The following AJAP1 variants were observed in gnomAD, a reference collection of about 807,000 sequenced individuals.
The protein encoded by AJAP1 is adherens junctions associated protein 1.
In AJAP1, 5 loss-of-function variants were observed where a neutral mutation model predicts 35.0. That is an observed-to-expected ratio of 0.14 (90% confidence interval 0.07 to 0.30). The LOEUF is 0.30. Among genes scored for constraint, AJAP1 ranks in the 10% least tolerant of loss-of-function variants. AJAP1 has a pLI of 1.00. For synonymous variants in AJAP1, 284 were observed against 249.3 expected (o/e 1.14, Z -1.31); for missense variants, 586 against 571.0 (o/e 1.03, Z -0.27).
chr1:4,738,437 G>T (rs933591636), intron 2 of AJAP1, among the ~76,000 whole-genome samples: 2 of 152,362 alleles, frequency 1.3e-5, no homozygotes. Flanking sequence ...GTGATTAGGG[G>T]GTAGCTGGTC....
At chr1:4,759,715 C>G (rs1369069928) in intron 2 of AJAP1, among the ~76,000 whole-genome samples, 1 of 152,200 alleles carries the variant, frequency 6.6e-6, no homozygotes, top group Non-Finnish European at 1.5e-5. Flanking sequence ...TGCAGGCAGG[C>G]TTTTTGGAGG....
At chr1:4,708,577 G>A (rs527690224) in intron 1 of AJAP1, among the ~76,000 whole-genome samples, 180 of 152,314 alleles carry the variant, frequency 1.2e-3, no homozygotes, top group African/African-American at 8.9e-4. Context: ...TCTCAGAGCC[G>A]CCCAAGGGAT....
chr1:4,742,451 A>G (rs1641091005), intron 2 of AJAP1, among the ~76,000 whole-genome samples: 2 of 152,124 alleles, frequency 1.3e-5, no homozygotes, highest in Non-Finnish European at 2.9e-5. Flanking sequence ...AGGGCTGGGA[A>G]ACTGTTCCCA....
Position 4,787,080 on chromosome 1 carries a change from C to T in AJAP1, c.*4595C>T, listed in dbSNP as rs1436031805. 6.6e-6 allele frequency: 1 copy of T among 152,350 alleles called. No individual in the cohort carries two copies. Among genetic ancestry groups the T allele is most frequent in the African/African-American group, 2.4e-5 (1 of 41,460 alleles). The allele number at this position is 152,350 out of a possible 1,614,324, so 9.4% of individuals were successfully genotyped here. On this transcript the variant is annotated 3_prime_UTR_variant, in exon 6 of 6. Coordinates refer to ENST00000378191, the MANE Select transcript of AJAP1 (RefSeq NM_018836.4). ...ACTCACATATGCCATTGGAGAGAAA[C>T]AACCCGTTCTGCATCACCATAATGA...
In AJAP1 at chr1:4,783,513, TTGTG is replaced by T. The variant is rs1298640263; in HGVS notation, c.*1034_*1037del. The T allele has an allele frequency of 2.4e-4, 25 of 103,834 alleles. No homozygotes were observed. The highest frequency in any genetic ancestry group is 3.8e-4 in the Admixed American group (4 of 10,566). The allele number at this position is 103,834 out of a possible 1,614,324, so 6.4% of individuals were successfully genotyped here. A position where few individuals can be genotyped will look rare whatever the true frequency, so the allele number is the denominator to read the frequency against. On this transcript the variant is annotated 3_prime_UTR_variant, in exon 6 of 6. Transcript: ENST00000378191. ...TATATATATATATATATATATATGTTTGTGTGTGTATATATATATATATATATAT... is the reference window on the plus strand; with the variant it reads ...TATATATATATATATATATATATGTTTGTGTATATATATATATATATATAT...
chr1:4,743,101 A>G (rs901290724), intron 2 of AJAP1, among the ~76,000 whole-genome samples: 2 of 152,200 alleles, frequency 1.3e-5, no homozygotes, highest in African/African-American at 2.4e-5. Flanking sequence ...TCCTGCACCC[A>G]CAGATTACCC....
intron 2 of AJAP1, among the ~76,000 whole-genome samples, chr1:4,735,309 C>T (rs973504865): frequency 1.3e-5 from 2 of 152,190 alleles, no homozygotes; most frequent in African/African-American, 4.8e-5. Context: ...GGAGAGAAGT[C>T]ATCCCTGGAA....
chr1:4,792,522 A>AG lies in AJAP1; in HGVS notation c.*10037_*10038insG, dbSNP rs1642262340. On this transcript the variant is annotated 3_prime_UTR_variant, in exon 6 of 6. Transcript: ENST00000378191. ...TATTAAAAAAAAAAACATAATATGA[A>AG]AAAAAAAAAAAAGAAGAGAAAAAAG... 6.7e-6 allele frequency: 1 copy of AG among 148,380 alleles called. No homozygotes were observed. Among genetic ancestry groups the AG allele is most frequent in the Admixed American group, 6.7e-5 (1 of 14,852 alleles). 9.2% of individuals were successfully genotyped at this position (148,380 alleles called of 1,614,324 possible). A position where few individuals can be genotyped will look rare whatever the true frequency, so the allele number is the denominator to read the frequency against.
intron 2 of AJAP1, among the ~76,000 whole-genome samples, chr1:4,758,258 T>C (rs916481542): frequency 6.6e-6 from 1 of 152,164 alleles, no homozygotes; most frequent in Non-Finnish European, 1.5e-5. Context: ...TCATGTCTCC[T>C]TGGGAGACTG....
At chr1:4,744,597 GCACATGCACACATGCC>G (rs1228358626) in intron 2 of AJAP1, among the ~76,000 whole-genome samples, 8 of 149,892 alleles carry the variant, frequency 5.3e-5, no homozygotes. Flanking sequence ...GGGCACACAT[GCACATGCACACATGCC>G]CACATGCATA....
At chr1:4,681,773 C>G (rs538741893) in intron 1 of AJAP1, among the ~76,000 whole-genome samples, 1 of 152,304 alleles carries the variant, frequency 6.6e-6, no homozygotes, top group East Asian at 1.9e-4. Flanking sequence ...AGGCCACATG[C>G]TTGGGGTCAG....
In AJAP1 at chr1:4,662,213, CT is replaced by C. The variant is rs538874858; in HGVS notation, c.29+6760del. On this transcript the variant is annotated intron_variant, in intron 1 of 5. Coordinates refer to ENST00000378191, the MANE Select transcript of AJAP1 (RefSeq NM_018836.4). ...CAGTTTCAGCACGGTTGCTTCACCC[CT>C]GATAAGATCCCTTTTGCTGTTTGTA... Among the ~76,000 whole-genome samples the C allele has an allele frequency of 1.4e-4, 22 of 152,308 alleles. 2 individuals carry two copies. In the South Asian group the frequency reaches 3.9e-3, roughly 27 times the overall value.
intron 2 of AJAP1, among the ~76,000 whole-genome samples, chr1:4,755,855 A>G (rs76545972): frequency 0.13 from 19,400 of 151,646 alleles, 1,898 homozygotes; most frequent in African/African-American, 0.28. Context: ...GAAACACTGG[A>G]GTAAGGGGGG....
rs1402627263 is a variant in AJAP1 at position 4,787,487 on chromosome 1, G to T, written c.*5002G>T. ...TGTTGGATGGAGGAAGAAGGCCTTA[G>T]TCTTAGCTCTTGGATAAAATGCAGT... On this transcript the variant is annotated 3_prime_UTR_variant, in exon 6 of 6. Coordinates refer to ENST00000378191, the MANE Select transcript of AJAP1 (RefSeq NM_018836.4). 3.1e-6 allele frequency: 1 copy of T among 327,046 alleles called. No homozygotes were observed. The highest frequency in any genetic ancestry group is 6.1e-6 in the Non-Finnish European group (1 of 163,988). 20.3% of individuals were successfully genotyped at this position (327,046 alleles called of 1,614,324 possible).
intron 2 of AJAP1, among the ~76,000 whole-genome samples, chr1:4,749,032 T>C (rs1256685241): frequency 6.6e-6 from 1 of 152,144 alleles, no homozygotes; most frequent in Non-Finnish European, 1.5e-5. Context: ...CAGCCTCTCA[T>C]TTCTGGTGGA....
At chr1:4,745,441 G>A (rs1641167494) in intron 2 of AJAP1, among the ~76,000 whole-genome samples, 1 of 152,140 alleles carries the variant, frequency 6.6e-6, no homozygotes, top group African/African-American at 2.4e-5. Context: ...CTGGAGGGCA[G>A]GCAGGGCTCT....
chr1:4,754,131 C>T (rs528046740), intron 2 of AJAP1, among the ~76,000 whole-genome samples: 7 of 151,954 alleles, frequency 4.6e-5, no homozygotes, highest in Middle Eastern at 3.4e-3. Context: ...ATCCTGGGAA[C>T]GAAGAATGGT....
intron 1 of AJAP1, among the ~76,000 whole-genome samples, chr1:4,710,458 C>G (rs1253722535): frequency 1.6e-5 from 2 of 125,574 alleles, no homozygotes; most frequent in Non-Finnish European, 3.4e-5. Flanking sequence ...CAGTCACACA[C>G]GTACACACTC....
chr1:4,690,833 A>G (rs985879632), intron 1 of AJAP1, among the ~76,000 whole-genome samples: 26 of 152,272 alleles, frequency 1.7e-4, no homozygotes, highest in Admixed American at 5.9e-4. Context: ...TGCCTGAGCA[A>G]GGGGCGTCTA....
Sources: gnomAD v4.1 joint callset for allele counts (sites outside exome capture counted in the v4.1 genomes callset) on GRCh38, gnomAD v4.1.1 for gene constraint, MANE v1.5 for transcripts, NCBI Gene and HGNC (gene_info 2026-07-23, HGNC 2026-07-21) for gene names.